The following UBN2 variants were observed in gnomAD, a reference collection of about 807,000 sequenced individuals.
UBN2 encodes ubinuclein 2, also known as ubinuclein-2.
Under a neutral mutation model 120.2 loss-of-function variants are expected in UBN2, and 35 were observed. The observed-to-expected ratio is 0.29, with a 90% confidence interval of 0.22 to 0.39. The LOEUF (loss-of-function observed/expected upper bound fraction) is 0.39. UBN2 is among the 10% of genes least tolerant of loss of function. The probability of loss-of-function intolerance (pLI) is 1.00; values close to 1 mark genes in which losing one functional copy is unlikely to be tolerated. For missense variants in UBN2, 1,693 were observed against 1,663.2 expected (o/e 1.02, Z -0.31); for synonymous variants, 661 against 648.7 (o/e 1.02, Z -0.29).
downstream of UBN2, among the ~76,000 whole-genome samples, chr7:139,310,103 G>A (rs1328079647): frequency 1.3e-5 from 2 of 152,074 alleles, no homozygotes; most frequent in Non-Finnish European, 2.9e-5. Flanking sequence ...TGGAAGAAGG[G>A]GAAAGAAAGG....
chr7:139,233,827 A>ACACCAGAACTACTACTTT (rs535791348), intron 1 of UBN2, among the ~76,000 whole-genome samples: 150 of 152,256 alleles, frequency 9.9e-4, no homozygotes, highest in African/African-American at 3.4e-3. Context: ...TAACTTGATA[A>ACACCAGAACTACTACTTT]CACCAGAACT....
chr7:139,314,984 A>G, the UBN2 span, among the ~76,000 whole-genome samples: 1 of 150,556 alleles, frequency 6.6e-6, no homozygotes, highest in African/African-American at 2.4e-5. Flanking sequence ...TAATATTATT[A>G]TTATTATTTG....
At position 139,298,250 on chromosome 7, in the gene UBN2, TG is replaced by T. The variant is rs1335872624; in HGVS notation, c.*416del. 5.8e-6 allele frequency: 1 copy of T among 171,848 alleles called. No individual in the cohort carries two copies. Among genetic ancestry groups the T allele is most frequent in the Non-Finnish European group, 1.2e-5 (1 of 80,526 alleles). The allele number at this position is 171,848 out of a possible 1,614,324, so 10.6% of individuals were successfully genotyped here. On this transcript the variant is annotated 3_prime_UTR_variant, in exon 18 of 18. Transcript: ENST00000473989. ...ATTGGTAATAAAAGGCATTAAAAAC[TG>T]GAATTAGGCCAGTTTGTCAGGAATA...
rs1053695280 is a variant in UBN2 at position 139,298,986 on chromosome 7, C to G, written c.*1150C>G. On this transcript the variant is annotated 3_prime_UTR_variant, in exon 18 of 18. Transcript: ENST00000473989. ...TCACAATCACGACATATTTTTACTC[C>G]CTGTATCCAGTGTAGTGAAATTGTT... 2 of 152,046 alleles carry G rather than the reference C, an allele frequency of 1.3e-5. No individual in the cohort carries two copies. 9.4% of individuals were successfully genotyped at this position (152,046 alleles called of 1,614,324 possible).
At chr7:139,293,608 A>G in intron 16 of UBN2, 145 bp downstream of exon 16, 1 of 719,674 alleles carries the variant, frequency 1.4e-6, no homozygotes, top group Non-Finnish European at 2.2e-6. Context: ...CAGTTTATAT[A>G]TAGTAAGTCA....
At chr7:139,256,491 A>G (rs1330212734) in intron 3 of UBN2, among the ~76,000 whole-genome samples, 2 of 152,168 alleles carry the variant, frequency 1.3e-5, no homozygotes, top group African/African-American at 4.8e-5. Flanking sequence ...TAAGGTGCTT[A>G]CCTGGCTTTC....
rs78496325 is a variant in UBN2, at chr7:139,238,760, G to C, written c.561+1663G>C. On this transcript the variant is annotated intron_variant, in intron 2 of 17. Transcript: ENST00000473989. ...TCCTATCTATAAATTGAGAGGTTCAGATTTTTCCGAGACCCTATTGTTCTC... is the reference window on the plus strand; with the variant it reads ...TCCTATCTATAAATTGAGAGGTTCACATTTTTCCGAGACCCTATTGTTCTC... 7.3e-3 allele frequency among the ~76,000 whole-genome samples: 1,116 copies of C among 152,240 alleles called. 17 individuals carry two copies. Among genetic ancestry groups the C allele is most frequent in the African/African-American group, 0.026 (1,073 of 41,536 alleles).
intron 9 of UBN2, among the ~76,000 whole-genome samples, chr7:139,272,753 C>G (rs920538549): frequency 6.6e-6 from 1 of 152,158 alleles, no homozygotes; most frequent in East Asian, 1.9e-4. Flanking sequence ...TCTCAAACTC[C>G]TGACCTCAGG....
chr7:139,320,030 C>T, the UBN2 span, among the ~76,000 whole-genome samples: 1 of 151,154 alleles, frequency 6.6e-6, no homozygotes, highest in East Asian at 1.9e-4. Context: ...GAGCCGAGAT[C>T]GTGCCACTGC....
chr7:139,282,815 A>G (rs1055262983), intron 14 of UBN2, among the ~76,000 whole-genome samples: 3 of 152,138 alleles, frequency 2.0e-5, no homozygotes, highest in African/African-American at 7.2e-5. Context: ...TATGACAGCT[A>G]TGTGCAATAT....
chr7:139,323,892 T>C, the UBN2 span, among the ~76,000 whole-genome samples: 1 of 152,112 alleles, frequency 6.6e-6, no homozygotes, highest in Non-Finnish European at 1.5e-5. Context: ...GAGGCCATGG[T>C]AGACCTAAAA....
In UBN2 at chr7:139,298,403, C is replaced by T. The variant is rs895484059; in HGVS notation, c.*567C>T. The T allele has an allele frequency of 1.3e-5, 2 of 152,500 alleles. No individual in the cohort carries two copies. The highest frequency in any genetic ancestry group is 2.9e-5 in the Non-Finnish European group (2 of 68,318). The allele number at this position is 152,500 out of a possible 1,614,324, so 9.4% of individuals were successfully genotyped here. On this transcript the variant is annotated 3_prime_UTR_variant, in exon 18 of 18. Transcript: ENST00000473989. ...AAAATCCTGAACAAACTTGAATCTCCTCCAGTGTGTAGCAACTTCCCTCAA... is the reference window on the plus strand; with the variant it reads ...AAAATCCTGAACAAACTTGAATCTCTTCCAGTGTGTAGCAACTTCCCTCAA...
At chr7:139,237,878 C>T (rs1359206833) in intron 2 of UBN2, among the ~76,000 whole-genome samples, 9 of 152,122 alleles carry the variant, frequency 5.9e-5, no homozygotes, top group Non-Finnish European at 1.0e-4. Context: ...AAGCTCATTG[C>T]GTCAGACTCA....
At chr7:139,232,751 T>A (rs1796062625) in intron 1 of UBN2, among the ~76,000 whole-genome samples, 1 of 152,220 alleles carries the variant, frequency 6.6e-6, no homozygotes, top group African/African-American at 2.4e-5. Context: ...TCAGCCTTTG[T>A]AATTTTCGGA....
the UBN2 span, among the ~76,000 whole-genome samples, chr7:139,321,640 G>C: frequency 2.0e-5 from 3 of 150,674 alleles, no homozygotes; most frequent in Admixed American, 2.0e-4. Flanking sequence ...CTAGTGTCCA[G>C]CTGGAGAAGG....
intron 5 of UBN2, 151 bp from the exon 6 acceptor site, chr7:139,261,101 G>T (rs1279822045): frequency 1.1e-6 from 1 of 875,664 alleles, no homozygotes. Context: ...ACTGAAGAAG[G>T]TGCTATTGTA....
In UBN2 at chr7:139,273,921, A is replaced by G. The variant is rs767178727; in HGVS notation, c.1830-10A>G. On this transcript the variant is annotated splice_polypyrimidine_tract_variant and intron_variant, in intron 10 of 17. Transcript: ENST00000473989. ...AAAAAAGTTTCAAATTTAATTTTCA[A>G]TCTGTTTAGAACTTTGTTATGTAAC... 4 of 1,566,356 alleles carry G rather than the reference A, an allele frequency of 2.6e-6. No homozygotes were observed. The highest frequency in any genetic ancestry group is 2.3e-5 in the East Asian group (1 of 43,600).
chr7:139,321,100 A>C, the UBN2 span, among the ~76,000 whole-genome samples: 9 of 152,312 alleles, frequency 5.9e-5, no homozygotes, highest in East Asian at 1.5e-3. Context: ...GTTTCACCAG[A>C]GGCCCCAAAG....
chr7:139,280,311 T>A (rs967595520), intron 13 of UBN2, among the ~76,000 whole-genome samples: 5 of 152,036 alleles, frequency 3.3e-5, no homozygotes, highest in African/African-American at 1.2e-4. Flanking sequence ...GACTGAAAAA[T>A]TTTTAATATT....
Sources: allele counts gnomAD v4.1 joint callset (sites outside exome capture counted in the v4.1 genomes callset), GRCh38; gene constraint gnomAD v4.1.1; transcripts MANE v1.5; gene names NCBI Gene and HGNC (gene_info 2026-07-23, HGNC 2026-07-21).